The following CCDC88C variants were observed in gnomAD, a reference collection of about 807,000 sequenced individuals.
The protein encoded by CCDC88C is protein Daple.
CCDC88C carries 131 observed loss-of-function variants against 198.8 expected under a neutral mutation model. The observed-to-expected ratio is 0.66, with a 90% CI of 0.57 to 0.76. CCDC88C has a LOEUF of 0.76. Among genes scored for constraint, CCDC88C ranks in the 30% least tolerant of loss-of-function variants. The pLI is 0.00. For synonymous variants in CCDC88C, 1,166 were observed against 1,114.7 expected (o/e 1.05, Z -0.92); for missense variants, 2,553 against 2,631.6 (o/e 0.97, Z 0.65).
At chr14:91,366,758 G>A (rs765915461) in intron 3 of CCDC88C, among the ~76,000 whole-genome samples, 2 of 152,192 alleles carry the variant, frequency 1.3e-5, no homozygotes, top group African/African-American at 2.4e-5. Context: ...GAAGGGGGAC[G>A]GGGTCCTGGG....
intron 10 of CCDC88C, among the ~76,000 whole-genome samples, chr14:91,330,071 C>A (rs1892752389): frequency 6.6e-6 from 1 of 152,270 alleles, no homozygotes; most frequent in South Asian, 2.1e-4. Context: ...CATGTGCTGA[C>A]CCCTGAGCCA....
At chr14:91,286,545 T>C (rs1425368455) in intron 25 of CCDC88C, among the ~76,000 whole-genome samples, 2 of 152,242 alleles carry the variant, frequency 1.3e-5, no homozygotes, top group Non-Finnish European at 2.9e-5. Context: ...AACTGTCTTA[T>C]AGTAACATTA....
At chr14:91,331,316 T>C (rs769570026) in intron 10 of CCDC88C, among the ~76,000 whole-genome samples, 1 of 152,192 alleles carries the variant, frequency 6.6e-6, no homozygotes, top group Non-Finnish European at 1.5e-5. Flanking sequence ...TCAACAAACA[T>C]GTCCCAAGCA....
intron 3 of CCDC88C, among the ~76,000 whole-genome samples, chr14:91,397,259 C>T (rs750426709): frequency 6.6e-5 from 10 of 152,076 alleles, no homozygotes; most frequent in Non-Finnish European, 1.2e-4. Flanking sequence ...AGGGGACAGC[C>T]ACAGGGGCCT....
At chr14:91,375,985 C>T (rs1250951514) in intron 3 of CCDC88C, among the ~76,000 whole-genome samples, 2 of 152,162 alleles carry the variant, frequency 1.3e-5, no homozygotes, top group East Asian at 1.9e-4. Context: ...GGGCTGGAAA[C>T]GTAGACCTTC....
At chr14:91,401,276 T>C (rs958093409) in intron 3 of CCDC88C, among the ~76,000 whole-genome samples, 8 of 144,180 alleles carry the variant, frequency 5.5e-5, no homozygotes, top group Non-Finnish European at 9.0e-5. Flanking sequence ...TTATATATAT[T>C]ATATATTATA....
At chr14:91,411,873 GA>G (rs1336597139) in intron 2 of CCDC88C, among the ~76,000 whole-genome samples, 1 of 150,276 alleles carries the variant, frequency 6.7e-6, no homozygotes, top group Admixed American at 6.7e-5. Flanking sequence ...TGAGGCAGGA[GA>G]ATCACCTGAA....
chr14:91,321,355 ACT>A (rs1555420746), intron 12 of CCDC88C, 51 bp from the exon 13 acceptor site: 12 of 1,527,188 alleles, frequency 7.9e-6, no homozygotes, highest in Non-Finnish European at 8.0e-6. Context: ...CTCCACTTCC[ACT>A]CTCTGCCCCA....
At chr14:91,404,477 G>A (rs1251287256) in intron 3 of CCDC88C, among the ~76,000 whole-genome samples, 5 of 152,178 alleles carry the variant, frequency 3.3e-5, no homozygotes, top group South Asian at 4.1e-4. Context: ...GGGCATGTGC[G>A]TCAGAATCAC....
chr14:91,317,530 G>A (rs1246928511), intron 13 of CCDC88C, among the ~76,000 whole-genome samples: 2 of 152,230 alleles, frequency 1.3e-5, no homozygotes, highest in African/African-American at 4.8e-5. Flanking sequence ...GTCAGACTCT[G>A]GGCTGGGCAC....
Position 91,345,163 on chromosome 14 carries a change from A to AGTTTATATATATAT in CCDC88C, c.341-1507_341-1506insATATATATATAAAC, listed in dbSNP as rs1401032598. Among the ~76,000 whole-genome samples, 170 of 130,914 alleles carry AGTTTATATATATAT rather than the reference A, an allele frequency of 1.3e-3. 1 individual carries two copies. The highest frequency in any genetic ancestry group is 4.8e-3 in the African/African-American group (164 of 34,186). The allele number at this position is 130,914 out of a possible 152,430, so 85.9% of individuals were successfully genotyped here. A position where few individuals can be genotyped will look rare whatever the true frequency, so the allele number is the denominator to read the frequency against. ...TAACCAATACCCCTTCCAGAGGTTC[A>AGTTTATATATATAT]ATTTATATATATATATATATATATA... On this transcript the variant is annotated intron_variant, in intron 4 of 29. Transcript: ENST00000389857.
intron 3 of CCDC88C, among the ~76,000 whole-genome samples, chr14:91,368,828 C>T (rs1894655248): frequency 6.6e-6 from 1 of 152,150 alleles, no homozygotes; most frequent in African/African-American, 2.4e-5. Context: ...CTGGATTTGG[C>T]CAGAAGCAGC....
rs1893391082 is a variant in CCDC88C, at chr14:91,343,481, T to C, written c.399+118A>G. 5 of 1,489,214 alleles carry C rather than the reference T, an allele frequency of 3.4e-6. No homozygotes were observed. The South Asian group carries it at 6.6e-5, about 20-fold the overall frequency. 92.3% of individuals were successfully genotyped at this position (1,489,214 alleles called of 1,614,324 possible). ...CTTCCAGGAACCCAGCGGCCTTCTG[T>C]CATATTGGACTGAAAGGAGCATCCT... is the stretch of plus-strand genomic sequence containing the variant. On this transcript the variant is annotated intron_variant, in intron 5 of 29. Coordinates refer to ENST00000389857, the MANE Select transcript of CCDC88C (RefSeq NM_001080414.4).
At chr14:91,373,593 T>A (rs1894931107) in intron 3 of CCDC88C, among the ~76,000 whole-genome samples, 3 of 152,158 alleles carry the variant, frequency 2.0e-5, no homozygotes, top group Non-Finnish European at 4.4e-5. Flanking sequence ...CAGCAAAAGA[T>A]CAGACTTCAT....
intron 3 of CCDC88C, chr14:91,378,551 C>G (rs1884598950): frequency 6.6e-6 from 1 of 152,638 alleles, no homozygotes; most frequent in African/African-American, 2.4e-5. Context: ...TGACAATAAC[C>G]TACAGCCAAC....
At chr14:91,399,375 T>C (rs1236623335) in intron 3 of CCDC88C, among the ~76,000 whole-genome samples, 1 of 152,090 alleles carries the variant, frequency 6.6e-6, no homozygotes, top group Non-Finnish European at 1.5e-5. Flanking sequence ...CCCTCAGCCC[T>C]GGATTCCCAC....
Position 91,303,762 on chromosome 14 carries a change from G to A in CCDC88C, c.3574C>T (p.His1192Tyr), listed in dbSNP as rs748821722. Residue 1192 changes from histidine to tyrosine, a missense_variant, in exon 20 of 30, where the codon CAC becomes TAC. His to Tyr is a moderately conservative substitution (Grantham distance 83). Coordinates refer to ENST00000389857, the MANE Select transcript of CCDC88C (RefSeq NM_001080414.4). ...CGATGCAGTGTCTTTAGGCAGCTGT[G>A]CTGGCGGATGAGGGCCTCGTACTCG... ...SAEYEALIRQ[H>Y]SCLKTLHRNL... 6.2e-7 allele frequency: 1 copy of A among 1,612,998 alleles called. No homozygotes were observed. Among genetic ancestry groups the A allele is most frequent in the Non-Finnish European group, 8.5e-7 (1 of 1,179,630 alleles).
At chr14:91,377,067 A>C (rs1036180626) in intron 3 of CCDC88C, among the ~76,000 whole-genome samples, 14 of 148,036 alleles carry the variant, frequency 9.5e-5, no homozygotes, top group African/African-American at 3.0e-4. Context: ...TGAAGAAAGG[A>C]GAAAAAACAA....
rs527550882 is a variant in CCDC88C at position 91,313,254 on chromosome 14, G to T, written c.2562C>A (p.Val854=). 3.7e-6 allele frequency: 6 copies of T among 1,614,012 alleles called. No homozygotes were observed. The African/African-American group carries it at 8.0e-5, about 22-fold the overall frequency. The stretch of plus-strand genomic sequence containing the variant: ...ACAGTTTGGCAGTGCTATCGTCCAA[G>T]ACTGCATCCTTGAGCTCCACCTGCT... ...LWQQVELKDA[V]LDDSTAKLSA... The change falls in exon 15 of 30, where the codon GTC becomes GTA. Residue 854 remains valine, a synonymous_variant. Transcript: ENST00000389857. This position sits in a 1 kb window ranked among gnomAD's most constrained non-coding sequence, Gnocchi z 5.2.
Sources: gnomAD v4.1 joint callset for allele counts (sites outside exome capture counted in the v4.1 genomes callset) on GRCh38, gnomAD v4.1.1 for gene constraint, Gnocchi (gnomAD v3.1) non-coding constraint, MANE v1.5 for transcripts, NCBI Gene and HGNC (gene_info 2026-07-23, HGNC 2026-07-21) for gene names.